EYA4: variants seen among roughly 807,000 people sequenced by gnomAD.
EYA4 encodes EYA transcriptional coactivator and phosphatase 4, also known as protein phosphatase EYA4.
In EYA4, 31 loss-of-function variants were observed where a neutral mutation model predicts 87.9. The ratio of observed to expected loss-of-function variants is 0.35; its 90% CI spans 0.27 to 0.48. EYA4 has a LOEUF of 0.48. EYA4 is among the 20% of genes least tolerant of loss of function. The pLI is 0.99. For synonymous variants in EYA4, 263 were observed against 270.6 expected (o/e 0.97, Z 0.28); for missense variants, 678 against 761.4 (o/e 0.89, Z 1.29).
intron 13 of EYA4, among the ~76,000 whole-genome samples, chr6:133,493,052 A>G (rs1026817721): frequency 1.3e-5 from 2 of 152,184 alleles, no homozygotes; most frequent in Admixed American, 6.5e-5. Flanking sequence ...ATTCAATGCA[A>G]TCACTATCAA....
At chr6:133,427,610 A>G (rs1790785246) in intron 3 of EYA4, among the ~76,000 whole-genome samples, 2 of 152,210 alleles carry the variant, frequency 1.3e-5, no homozygotes, top group Admixed American at 6.5e-5. Context: ...CCTTAGCTCA[A>G]AATTTGACAC....
At chr6:133,463,092 A>C (rs1010858856) in intron 9 of EYA4, among the ~76,000 whole-genome samples, 1 of 152,174 alleles carries the variant, frequency 6.6e-6, no homozygotes, top group African/African-American at 2.4e-5. Flanking sequence ...TCTGTAGCAC[A>C]AACCAGTATT....
rs139903778 is a variant in EYA4 at position 133,437,004 on chromosome 6, A to T, written c.84-9626A>T. 6.8e-3 allele frequency among the ~76,000 whole-genome samples: 1,040 copies of T among 152,204 alleles called. 14 individuals carry two copies. Among genetic ancestry groups the T allele is most frequent in the African/African-American group, 0.023 (971 of 41,534 alleles). The stretch of plus-strand genomic sequence containing the variant: ...AGAAATTCCATCTATGCTACAGAAA[A>T]ATTGCAGGAAAAAAAAATCCCCAGA... On this transcript the variant is annotated intron_variant, in intron 3 of 19. Coordinates refer to ENST00000355286, the MANE Select transcript of EYA4 (RefSeq NM_004100.5).
chr6:133,414,327 A>G (rs1238155702), intron 3 of EYA4, among the ~76,000 whole-genome samples: 2 of 152,196 alleles, frequency 1.3e-5, no homozygotes, highest in Non-Finnish European at 1.5e-5. Flanking sequence ...TTCTCTGCCA[A>G]CAACCTTTGT....
chr6:133,354,516 G>A (rs558995540), intron 2 of EYA4, among the ~76,000 whole-genome samples: 1 of 152,234 alleles, frequency 6.6e-6, no homozygotes, highest in East Asian at 1.9e-4. Context: ...AATAACTCAG[G>A]TATTGTTATT....
chr6:133,252,985 A>ACACT (rs1554208769), intron 1 of EYA4, among the ~76,000 whole-genome samples: 67 of 122,778 alleles, frequency 5.5e-4, no homozygotes, highest in Middle Eastern at 4.9e-3. Context: ...ACACACACAC[A>ACACT]CACACTCACT....
intron 2 of EYA4, among the ~76,000 whole-genome samples, chr6:133,277,752 A>T (rs185114721): frequency 6.6e-6 from 1 of 152,220 alleles, no homozygotes; most frequent in Admixed American, 6.5e-5. Context: ...TTATGCCAGT[A>T]TTACTCATCT....
intron 13 of EYA4, among the ~76,000 whole-genome samples, chr6:133,487,952 A>T (rs564899880): frequency 3.3e-4 from 51 of 152,252 alleles, no homozygotes; most frequent in African/African-American, 1.2e-3. Context: ...ATTCCAGGCC[A>T]TGGCTCTTGG....
At chr6:133,408,286 C>T (rs1483206706) in intron 3 of EYA4, among the ~76,000 whole-genome samples, 1 of 152,170 alleles carries the variant, frequency 6.6e-6, no homozygotes, top group African/African-American at 2.4e-5. Context: ...AGACATCTGG[C>T]TTCTTGGCTG....
At chr6:133,254,742 G>C (rs138359125) in intron 1 of EYA4, among the ~76,000 whole-genome samples, 1 of 152,244 alleles carries the variant, frequency 6.6e-6, no homozygotes, top group African/African-American at 2.4e-5. Context: ...ATCAGCGTCA[G>C]ATGATCAGAT....
intron 3 of EYA4, among the ~76,000 whole-genome samples, chr6:133,436,903 C>T (rs773731267): frequency 6.6e-6 from 1 of 151,998 alleles, no homozygotes; most frequent in Non-Finnish European, 1.5e-5. Flanking sequence ...CTTCAGAGTT[C>T]GAGTAGACTC....
At chr6:133,293,573 G>A (rs910157084) in intron 2 of EYA4, among the ~76,000 whole-genome samples, 6 of 151,966 alleles carry the variant, frequency 3.9e-5, no homozygotes, top group African/African-American at 7.3e-5. Flanking sequence ...CTCTTTCCTC[G>A]TCTATAACCT....
At chr6:133,464,979 A>G (rs1794724003) in intron 10 of EYA4, 121 bp downstream of exon 10, 2 of 678,840 alleles carry the variant, frequency 2.9e-6, no homozygotes, top group African/African-American at 3.6e-5. Context: ...AAAAATTATG[A>G]TAGCATTTCA....
chr6:133,344,168 C>T (rs914542815), intron 2 of EYA4, among the ~76,000 whole-genome samples: 3 of 152,172 alleles, frequency 2.0e-5, no homozygotes, highest in South Asian at 2.1e-4. Flanking sequence ...ATGCAAGGCA[C>T]GGTTATATGC....
At chr6:133,519,297 A>C (rs1799889795) in intron 17 of EYA4, among the ~76,000 whole-genome samples, 1 of 151,992 alleles carries the variant, frequency 6.6e-6, no homozygotes. Flanking sequence ...AGACGCAATA[A>C]AAAATGATAA....
intron 2 of EYA4, among the ~76,000 whole-genome samples, chr6:133,357,270 C>CAAAAAAAAAAA (rs754202361): frequency 1.5e-5 from 1 of 65,320 alleles, no homozygotes; most frequent in African/African-American, 6.6e-5. Flanking sequence ...GACTCCGTCT[C>CAAAAAAAAAAA]AAAAAAAAAA....
At chr6:133,273,097 G>T (rs9493575) in intron 1 of EYA4, among the ~76,000 whole-genome samples, 1 of 106,638 alleles carries the variant, frequency 9.4e-6, no homozygotes, top group South Asian at 3.8e-4. Context: ...ATATATATAT[G>T]TATATATATA....
intron 2 of EYA4, among the ~76,000 whole-genome samples, chr6:133,365,819 C>T (rs1488893299): frequency 2.0e-5 from 3 of 151,978 alleles, no homozygotes; most frequent in African/African-American, 7.3e-5. Context: ...AGGGTGTGGT[C>T]TCTGGATTGG....
At chr6:133,384,820 G>A (rs758209327) in intron 3 of EYA4, among the ~76,000 whole-genome samples, 2 of 151,960 alleles carry the variant, frequency 1.3e-5, no homozygotes, top group Non-Finnish European at 2.9e-5. Flanking sequence ...AAGAGCACTC[G>A]ACACAAAAAG....
Sources: gnomAD v4.1 joint callset for allele counts (sites outside exome capture counted in the v4.1 genomes callset) on GRCh38, gnomAD v4.1.1 for gene constraint, MANE v1.5 for transcripts, NCBI Gene and HGNC (gene_info 2026-07-23, HGNC 2026-07-21) for gene names.